HOMER1: variants seen among roughly 807,000 people sequenced by gnomAD.
HOMER1 encodes the protein homer protein homolog 1.
A neutral mutation model predicts 48.9 loss-of-function variants in HOMER1; 3 were observed. That is an observed-to-expected ratio of 0.06 (90% CI 0.03 to 0.16). The LOEUF (loss-of-function observed/expected upper bound fraction) is 0.16, where lower values mean the gene tolerates loss of function less well. Ranked by LOEUF, HOMER1 falls within the 10% of genes least tolerant of loss-of-function variation. The pLI is 1.00. For missense variants in HOMER1, 247 were observed against 411.4 expected (o/e 0.60, Z 3.46); for synonymous variants, 134 against 146.4 (o/e 0.92, Z 0.61).
intron 1 of HOMER1, among the ~76,000 whole-genome samples, chr5:79,511,174 C>T (rs1752932508): frequency 6.6e-6 from 1 of 152,082 alleles, no homozygotes; most frequent in East Asian, 1.9e-4. Flanking sequence ...GATTTTTTTT[C>T]CTCCAACATG....
At chr5:79,461,224 C>A (rs1023331628) in intron 1 of HOMER1, among the ~76,000 whole-genome samples, 2 of 152,172 alleles carry the variant, frequency 1.3e-5, no homozygotes, top group African/African-American at 4.8e-5. Flanking sequence ...TTACATATAA[C>A]TGAACTCTTA....
rs908139632 is a variant in HOMER1, at chr5:79,414,086, A to T, written c.528-12031T>A. On this transcript the variant is annotated intron_variant, in intron 5 of 8. Coordinates refer to ENST00000334082, the MANE Select transcript of HOMER1 (RefSeq NM_004272.5). ...GTTTACATTGTTCTGTTCTTTTTTT[A>T]AAAAAAAGTTTATTATTTTGAGATA... is the stretch of plus-strand genomic sequence containing the variant. 2.0e-4 allele frequency among the ~76,000 whole-genome samples: 30 copies of T among 151,600 alleles called. 1 individual carries two copies. The highest frequency in any genetic ancestry group is 5.6e-4 in the African/African-American group (23 of 41,220).
At chr5:79,386,125 A>G (rs934653925) in intron 8 of HOMER1, among the ~76,000 whole-genome samples, 1 of 152,188 alleles carries the variant, frequency 6.6e-6, no homozygotes, top group African/African-American at 2.4e-5. Flanking sequence ...TATATGTCCA[A>G]GGGGAAATAA....
intron 6 of HOMER1, among the ~76,000 whole-genome samples, chr5:79,400,142 G>C (rs936051254): frequency 1.3e-5 from 2 of 151,994 alleles, no homozygotes; most frequent in African/African-American, 4.8e-5. Flanking sequence ...GTCATTTTAA[G>C]TGTATAGTTC....
At chr5:79,472,269 A>G (rs1270272020) in intron 1 of HOMER1, among the ~76,000 whole-genome samples, 1 of 152,092 alleles carries the variant, frequency 6.6e-6, no homozygotes, top group Non-Finnish European at 1.5e-5. Context: ...TCTTATCTCA[A>G]TTTTCTATGT....
intron 1 of HOMER1, among the ~76,000 whole-genome samples, chr5:79,511,992 G>C (rs1008698530): frequency 6.6e-6 from 1 of 152,186 alleles, no homozygotes; most frequent in Non-Finnish European, 1.5e-5. Flanking sequence ...GCTTAAATTA[G>C]GAAGTGTCAC....
At position 79,478,155 on chromosome 5, in the gene HOMER1, T is replaced by G. The variant is rs529468894; in HGVS notation, c.6-21137A>C. ...TCTTCTGGTTCCAAAATCAGAGTTC[T>G]TTCTATTACTGTTCTGTACTGATTT... On this transcript the variant is annotated intron_variant, in intron 1 of 8. Transcript: ENST00000334082. Among the ~76,000 whole-genome samples, 30 of 152,332 alleles carry G rather than the reference T, an allele frequency of 2.0e-4. 1 individual carries two copies. The South Asian group carries it at 6.2e-3, about 32-fold the overall frequency.
intron 5 of HOMER1, among the ~76,000 whole-genome samples, chr5:79,438,171 T>C (rs1371057494): frequency 6.6e-6 from 1 of 152,196 alleles, no homozygotes; most frequent in Admixed American, 6.5e-5. Flanking sequence ...TTTTTTAAAA[T>C]TGGTCCCCAA....
At chr5:79,469,250 C>T (rs1324425564) in intron 1 of HOMER1, among the ~76,000 whole-genome samples, 2 of 152,174 alleles carry the variant, frequency 1.3e-5, no homozygotes, top group East Asian at 1.9e-4. Flanking sequence ...AAAATGTTTT[C>T]CTGGCTCAGC....
rs549185621 is a variant in HOMER1, at chr5:79,510,803, A to C, written c.5+1967T>G. On this transcript the variant is annotated intron_variant, in intron 1 of 8. Coordinates refer to ENST00000334082, the MANE Select transcript of HOMER1 (RefSeq NM_004272.5). ...AGGGTGTGCTGGCCAAAGGCCAAGG[A>C]CAAGGATCAAACCAAGGCCCAGGCT... 9.6e-5 allele frequency: 72 copies of C among 751,268 alleles called. 1 individual carries two copies. Among genetic ancestry groups the C allele is most frequent in the South Asian group, 6.6e-4 (48 of 72,258 alleles). The allele number at this position is 751,268 out of a possible 1,614,324, so 46.5% of individuals were successfully genotyped here.
At chr5:79,406,268 A>C (rs1358351954) in intron 5 of HOMER1, among the ~76,000 whole-genome samples, 1 of 152,216 alleles carries the variant, frequency 6.6e-6, no homozygotes, top group Non-Finnish European at 1.5e-5. Flanking sequence ...AGTTTAAGAT[A>C]CAACTCTGGT....
chr5:79,505,901 T>C (rs1454101621), intron 1 of HOMER1, among the ~76,000 whole-genome samples: 1 of 152,110 alleles, frequency 6.6e-6, no homozygotes, highest in Non-Finnish European at 1.5e-5. Context: ...CAAATGTTAG[T>C]TCTATGTATA....
chr5:79,405,078 A>G (rs1438867189), intron 5 of HOMER1, among the ~76,000 whole-genome samples: 2 of 152,042 alleles, frequency 1.3e-5, no homozygotes, highest in Admixed American at 6.6e-5. Context: ...TTGAAGTTCT[A>G]ACTCCCAGGA....
chr5:79,462,032 C>G (rs917512156), intron 1 of HOMER1, among the ~76,000 whole-genome samples: 4 of 152,058 alleles, frequency 2.6e-5, no homozygotes, highest in Non-Finnish European at 5.9e-5. Flanking sequence ...AACCCCATCT[C>G]TACTAAAAAT....
At chr5:79,447,601 T>G (rs920120633) in intron 3 of HOMER1, among the ~76,000 whole-genome samples, 1 of 152,176 alleles carries the variant, frequency 6.6e-6, no homozygotes, top group African/African-American at 2.4e-5. Flanking sequence ...TAATACACAA[T>G]GCATTTTCAG....
chr5:79,478,131 C>A (rs935351172), intron 1 of HOMER1, among the ~76,000 whole-genome samples: 5 of 152,140 alleles, frequency 3.3e-5, no homozygotes, highest in Non-Finnish European at 2.9e-5. Context: ...GAAACCACAT[C>A]TTCTGGTTCC....
At chr5:79,493,709 A>G (rs1199775907) in intron 1 of HOMER1, among the ~76,000 whole-genome samples, 1 of 152,112 alleles carries the variant, frequency 6.6e-6, no homozygotes, top group Non-Finnish European at 1.5e-5. Flanking sequence ...TCTCTTTCTC[A>G]ATAATTATCC....
At chr5:79,409,028 G>A (rs1419148711) in intron 5 of HOMER1, among the ~76,000 whole-genome samples, 2 of 143,164 alleles carry the variant, frequency 1.4e-5, no homozygotes, top group East Asian at 4.3e-4. Flanking sequence ...GTTGCAGTGA[G>A]CCAAGATCAT....
chr5:79,407,372 C>G (rs1233799947), intron 5 of HOMER1, among the ~76,000 whole-genome samples: 2 of 151,060 alleles, frequency 1.3e-5, no homozygotes, highest in East Asian at 3.9e-4. Flanking sequence ...CAGAATCATA[C>G]TCAGAGATTA....
Sources: gnomAD v4.1 joint callset for allele counts (sites outside exome capture counted in the v4.1 genomes callset) on GRCh38, gnomAD v4.1.1 for gene constraint, MANE v1.5 for transcripts, NCBI Gene and HGNC (gene_info 2026-07-23, HGNC 2026-07-21) for gene names.